Variants in UBE2E2 observed in about 807,000 individuals in gnomAD.
The protein encoded by UBE2E2 is ubiquitin-conjugating enzyme E2 E2.
Under a neutral mutation model 24.7 loss-of-function variants are expected in UBE2E2, and 6 were observed. The observed-to-expected ratio is 0.24, with a 90% CI of 0.13 to 0.48. The LOEUF is 0.48. UBE2E2 is among the 20% of genes least tolerant of loss of function. The pLI, the probability that UBE2E2 is intolerant of heterozygous loss-of-function variation, is 0.99. For missense variants in UBE2E2, 169 were observed against 245.0 expected, an observed-to-expected ratio of 0.69 and a Z score of 2.07; for synonymous variants, 104 against 83.6, an observed-to-expected ratio of 1.24 and a Z score of -1.33.
At chr3:23,215,529 A>G (rs192621567) in intron 2 of UBE2E2, among the ~76,000 whole-genome samples, 11 of 152,018 alleles carry the variant, frequency 7.2e-5, no homozygotes, top group Non-Finnish European at 1.6e-4. Flanking sequence ...TGATTTTCTT[A>G]TGCAGCTTTT....
At chr3:23,314,135 TTTG>T (rs1460624703) in intron 3 of UBE2E2, among the ~76,000 whole-genome samples, 3 of 152,154 alleles carry the variant, frequency 2.0e-5, no homozygotes, top group East Asian at 1.9e-4. Context: ...AGTTACTCTT[TTTG>T]TTGTTGTTGT....
intron 3 of UBE2E2, among the ~76,000 whole-genome samples, chr3:23,397,118 T>C (rs781261736): frequency 2.6e-5 from 4 of 152,214 alleles, no homozygotes; most frequent in Non-Finnish European, 5.9e-5. Flanking sequence ...TTGTCATATA[T>C]GATCGATCGT....
At chr3:23,277,424 A>G (rs1171097875) in intron 3 of UBE2E2, among the ~76,000 whole-genome samples, 4 of 152,108 alleles carry the variant, frequency 2.6e-5, no homozygotes, top group Non-Finnish European at 4.4e-5. Flanking sequence ...TCAAGGGTCA[A>G]CGTTTGTATC....
At chr3:23,519,895 G>A (rs749482161) in intron 4 of UBE2E2, among the ~76,000 whole-genome samples, 12 of 151,352 alleles carry the variant, frequency 7.9e-5, no homozygotes, top group East Asian at 1.9e-4. Context: ...TGTTGCCCAC[G>A]CAGGTCTCTT....
intron 3 of UBE2E2, among the ~76,000 whole-genome samples, chr3:23,219,684 C>G (rs903972059): frequency 3.7e-4 from 57 of 152,176 alleles, no homozygotes; most frequent in African/African-American, 1.3e-3. Flanking sequence ...AAAGCATCCC[C>G]TTACTCTGCT....
At chr3:23,394,636 T>C (rs1197385902) in intron 3 of UBE2E2, among the ~76,000 whole-genome samples, 1 of 152,160 alleles carries the variant, frequency 6.6e-6, no homozygotes, top group Middle Eastern at 3.2e-3. Flanking sequence ...CTACCGTTAA[T>C]CCTCAGTCAT....
chr3:23,539,978 A>T lies in UBE2E2; in HGVS notation c.508+7277A>T, dbSNP rs73821853. ...TTCACAAAAAATAGAGAAAATGGTT[A>T]TTATAAGTCCCAGTGTGTCCCTCAC... On this transcript the variant is annotated intron_variant, in intron 5 of 5. Transcript: ENST00000396703. Among the ~76,000 whole-genome samples, 786 of 152,274 alleles carry T rather than the reference A, an allele frequency of 5.2e-3. 7 individuals carry two copies. The highest frequency in any genetic ancestry group is 0.018 in the African/African-American group (733 of 41,562).
intron 5 of UBE2E2, among the ~76,000 whole-genome samples, chr3:23,561,159 T>C (rs1031647429): frequency 1.8e-4 from 27 of 152,218 alleles, no homozygotes; most frequent in African/African-American, 5.8e-4. Context: ...CCCTATGTCC[T>C]GAATGGTATT....
intron 3 of UBE2E2, among the ~76,000 whole-genome samples, chr3:23,265,332 G>A (rs1332697309): frequency 6.6e-6 from 1 of 152,134 alleles, no homozygotes; most frequent in African/African-American, 2.4e-5. Context: ...TCTCACTTCA[G>A]TTCCCTCACC....
intron 4 of UBE2E2, among the ~76,000 whole-genome samples, chr3:23,528,366 T>C (rs950392743): frequency 2.6e-5 from 4 of 152,138 alleles, no homozygotes. Flanking sequence ...AGAAAGAGAA[T>C]TCATTGAAGG....
In UBE2E2 at chr3:23,410,889, G is replaced by C. The variant is rs1273367453; in HGVS notation, c.228-88719G>C. 2.0e-5 allele frequency among the ~76,000 whole-genome samples: 3 copies of C among 152,118 alleles called. No individual in the cohort carries two copies. In the East Asian group the frequency reaches 5.8e-4, roughly 29 times the overall value. ...GGCATGGGAGAAGATGACAGAAAAA[G>C]AAGCAAAACGCTTGAAAAACACTTA... On this transcript the variant is annotated intron_variant, in intron 3 of 5. Coordinates refer to ENST00000396703, the MANE Select transcript of UBE2E2 (RefSeq NM_152653.4).
At chr3:23,253,792 A>G (rs1449204382) in intron 3 of UBE2E2, among the ~76,000 whole-genome samples, 1 of 152,208 alleles carries the variant, frequency 6.6e-6, no homozygotes, top group Non-Finnish European at 1.5e-5. Flanking sequence ...TAGTATGAAA[A>G]GATGCATATG....
chr3:23,268,882 C>T (rs1318466959), intron 3 of UBE2E2, among the ~76,000 whole-genome samples: 3 of 152,088 alleles, frequency 2.0e-5, no homozygotes, highest in East Asian at 1.9e-4. Flanking sequence ...AGAACAGAGC[C>T]CTGAGAAATA....
intron 3 of UBE2E2, among the ~76,000 whole-genome samples, chr3:23,497,356 G>T (rs890629743): frequency 3.3e-5 from 5 of 152,198 alleles, no homozygotes; most frequent in African/African-American, 1.2e-4. Flanking sequence ...TACGCAATTT[G>T]CTGGAGAGAT....
chr3:23,231,472 TA>T (rs1396111243), intron 3 of UBE2E2, among the ~76,000 whole-genome samples: 1 of 152,196 alleles, frequency 6.6e-6, no homozygotes, highest in African/African-American at 2.4e-5. Flanking sequence ...AAATTTTTCT[TA>T]TTAAACAATA....
At chr3:23,266,419 T>C (rs1304789286) in intron 3 of UBE2E2, among the ~76,000 whole-genome samples, 2 of 152,186 alleles carry the variant, frequency 1.3e-5, no homozygotes, top group African/African-American at 4.8e-5. Context: ...TTAGTTTGGC[T>C]GGATATGAAA....
intron 3 of UBE2E2, among the ~76,000 whole-genome samples, chr3:23,289,682 G>A (rs763721048): frequency 1.3e-5 from 2 of 151,960 alleles, no homozygotes; most frequent in Non-Finnish European, 2.9e-5. Flanking sequence ...ATACTTTTAG[G>A]TATACACATT....
chr3:23,586,718 C>T (rs1055255825), intron 5 of UBE2E2, among the ~76,000 whole-genome samples: 2 of 152,154 alleles, frequency 1.3e-5, no homozygotes, highest in African/African-American at 4.8e-5. Context: ...ATGGTCCTCA[C>T]ATCGTTGTTT....
In UBE2E2 at chr3:23,246,222, A is replaced by ATTT. The variant is rs398051684; in HGVS notation, c.227+28923_227+28925dup. Among the ~76,000 whole-genome samples, 29 of 102,198 alleles carry ATTT rather than the reference A, an allele frequency of 2.8e-4. 2 individuals carry two copies. Among genetic ancestry groups the ATTT allele is most frequent in the South Asian group, 6.6e-4 (2 of 3,026 alleles). 67.0% of individuals were successfully genotyped at this position (102,198 alleles called of 152,430 possible). On this transcript the variant is annotated intron_variant, in intron 3 of 5. Transcript: ENST00000396703. ...AGGTGTATGCCACCATGCGTGGCTA[A>ATTT]TTTTTTTTTTTTTTTCGAGATGGAG...
Sources: gnomAD v4.1 joint callset for allele counts (sites outside exome capture counted in the v4.1 genomes callset) on GRCh38, gnomAD v4.1.1 for gene constraint, MANE v1.5 for transcripts, NCBI Gene and HGNC (gene_info 2026-07-23, HGNC 2026-07-21) for gene names.